Variants in KIRREL3 observed in about 807,000 individuals in gnomAD.
KIRREL3 encodes kin of IRRE-like protein 3.
A neutral mutation model predicts 89.7 loss-of-function variants in KIRREL3; 36 were observed. The observed-to-expected ratio is 0.40, with a 90% CI of 0.31 to 0.53. KIRREL3 has a LOEUF of 0.53. Among genes scored for constraint, KIRREL3 ranks in the 20% least tolerant of loss-of-function variants. The probability of loss-of-function intolerance (pLI) is 0.49; values close to 1 mark genes in which losing one functional copy is unlikely to be tolerated. For synonymous variants in KIRREL3, 445 were observed against 441.4 expected (o/e 1.01, Z -0.10); for missense variants, 864 against 1,056.6 (o/e 0.82, Z 2.53).
At chr11:126,667,392 G>A (rs537070746) in intron 1 of KIRREL3, among the ~76,000 whole-genome samples, 11 of 152,346 alleles carry the variant, frequency 7.2e-5, no homozygotes, top group South Asian at 2.1e-4. Context: ...AGAATGAGCC[G>A]GGCTGTTTGC....
In KIRREL3 at chr11:126,516,870, A is replaced by G. The variant is rs935480342; in HGVS notation, c.433+4445T>C. Among the ~76,000 whole-genome samples, 1 of 152,194 alleles carries G rather than the reference A, an allele frequency of 6.6e-6. No homozygotes were observed. Among genetic ancestry groups the G allele is most frequent in the East Asian group, 1.9e-4 (1 of 5,194 alleles). ...CACTTTGGGAGGCCAAGATGGGTGG[A>G]TCACTTGAGGTCAAGTGTTCGAGAC... is the stretch of plus-strand genomic sequence containing the variant. On this transcript the variant is annotated intron_variant, in intron 4 of 16. Transcript: ENST00000525144. The surrounding 1 kb of genome is among the most constrained non-coding windows in gnomAD (Gnocchi z 4.9).
At chr11:126,638,987 AT>A (rs139062236) in intron 1 of KIRREL3, among the ~76,000 whole-genome samples, 18 of 151,656 alleles carry the variant, frequency 1.2e-4, no homozygotes, top group East Asian at 1.9e-4. Flanking sequence ...CACTTTAATG[AT>A]TTTTTTTTAA....
At position 126,814,409 on chromosome 11, in the gene KIRREL3, A is replaced by G. The variant is rs569264162; in HGVS notation, c.55+186046T>C. Among the ~76,000 whole-genome samples, 1 of 152,332 alleles carries G rather than the reference A, an allele frequency of 6.6e-6. No homozygotes were observed. Among genetic ancestry groups the G allele is most frequent in the South Asian group, 2.1e-4 (1 of 4,824 alleles). ...AAACACCATTTGACCCAGCAATCCC[A>G]TTACTGGATATATACCCAAAGGAAT... On this transcript the variant is annotated intron_variant, in intron 1 of 16. Transcript: ENST00000525144. This position sits in a 1 kb window ranked among gnomAD's most constrained non-coding sequence, Gnocchi z 4.4.
intron 1 of KIRREL3, among the ~76,000 whole-genome samples, chr11:126,866,858 C>G (rs947308942): frequency 6.6e-6 from 1 of 152,156 alleles, no homozygotes; most frequent in African/African-American, 2.4e-5. Context: ...ATTCCATTCC[C>G]CTTGTGGCCT....
chr11:126,545,749 A>T (rs1183384495), intron 2 of KIRREL3, among the ~76,000 whole-genome samples: 2 of 152,264 alleles, frequency 1.3e-5, no homozygotes, highest in African/African-American at 2.4e-5. Flanking sequence ...GGGCCCAGAC[A>T]GAAGGTGGCA....
chr11:126,777,212 A>T (rs1177914921), intron 1 of KIRREL3, among the ~76,000 whole-genome samples: 1 of 152,176 alleles, frequency 6.6e-6, no homozygotes. Flanking sequence ...CAGCAAGGAA[A>T]GGCCAGGGAG....
chr11:126,558,212 T>C lies in KIRREL3; in HGVS notation c.133+4623A>G, dbSNP rs572248644. On this transcript the variant is annotated intron_variant, in intron 2 of 16. Coordinates refer to ENST00000525144, the MANE Select transcript of KIRREL3 (RefSeq NM_032531.4). This position sits in a 1 kb window ranked among gnomAD's most constrained non-coding sequence, Gnocchi z 4.0. ...GCCTCTGCTTCTTCCCTCCTTTAAA[T>C]ATCCTCTTCCTCATTTCCCCTTCTC... 2.4e-4 allele frequency among the ~76,000 whole-genome samples: 37 copies of C among 152,260 alleles called. No individual in the cohort carries two copies. Among genetic ancestry groups the C allele is most frequent in the African/African-American group, 8.7e-4 (36 of 41,558 alleles).
At chr11:126,479,433 T>C (rs1236229963) in intron 4 of KIRREL3, among the ~76,000 whole-genome samples, 1 of 152,170 alleles carries the variant, frequency 6.6e-6, no homozygotes, top group African/African-American at 2.4e-5. Flanking sequence ...CCCTTGCCAC[T>C]CCAGGCCAGT....
At position 126,486,814 on chromosome 11, in the gene KIRREL3, A is replaced by C. The variant is rs1957373687; in HGVS notation, c.434-13348T>G. 1.3e-5 allele frequency among the ~76,000 whole-genome samples: 2 copies of C among 152,204 alleles called. No individual in the cohort carries two copies. The highest frequency in any genetic ancestry group is 4.8e-5 in the African/African-American group (2 of 41,440). On this transcript the variant is annotated intron_variant, in intron 4 of 16. Transcript: ENST00000525144. This position sits in a 1 kb window ranked among gnomAD's most constrained non-coding sequence, Gnocchi z 6.2. ...AGGCTGTGCTAGCAGGAGGATCTGC[A>C]TTGGTTCACTTCGGTAGCTTTAATA...
rs547266015 is a variant in KIRREL3 at position 126,566,942 on chromosome 11, C to T, written c.56-4030G>A. Among the ~76,000 whole-genome samples the T allele has an allele frequency of 6.9e-4, 105 of 152,208 alleles. No individual in the cohort carries two copies. The highest frequency in any genetic ancestry group is 9.7e-4 in the Non-Finnish European group (66 of 68,048). On this transcript the variant is annotated intron_variant, in intron 1 of 16. Coordinates refer to ENST00000525144, the MANE Select transcript of KIRREL3 (RefSeq NM_032531.4). The surrounding 1 kb of genome is among the most constrained non-coding windows in gnomAD (Gnocchi z 4.9). Reference sequence around the variant, plus strand: ...AAAGTGACAATTTAAGGCCAACACACTAGCTGGTGATAGTGCCCATGCTGG... The same window carrying T: ...AAAGTGACAATTTAAGGCCAACACATTAGCTGGTGATAGTGCCCATGCTGG...
At chr11:126,646,521 C>T (rs893071402) in intron 1 of KIRREL3, among the ~76,000 whole-genome samples, 2 of 140,400 alleles carry the variant, frequency 1.4e-5, no homozygotes, top group African/African-American at 5.3e-5. Context: ...GTTGCTCAGG[C>T]TGGAGTGCAG....
chr11:126,831,592 T>C (rs1297184841), intron 1 of KIRREL3, among the ~76,000 whole-genome samples: 2 of 152,148 alleles, frequency 1.3e-5, no homozygotes, highest in Admixed American at 6.5e-5. Context: ...TTAGAAGCAA[T>C]ACATGGAAAC....
rs375280817 is a variant in KIRREL3, at chr11:126,805,585, C to G, written c.55+194870G>C. ...TCCATTAATTAATGAATAAATTAAA[C>G]AAGGCTTTTCCACTCTATCATCTTG... is the stretch of plus-strand genomic sequence containing the variant. On this transcript the variant is annotated intron_variant, in intron 1 of 16. Coordinates refer to ENST00000525144, the MANE Select transcript of KIRREL3 (RefSeq NM_032531.4). This position sits in a 1 kb window ranked among gnomAD's most constrained non-coding sequence, Gnocchi z 4.3. Among the ~76,000 whole-genome samples, 12 of 152,194 alleles carry G rather than the reference C, an allele frequency of 7.9e-5. No homozygotes were observed. Among genetic ancestry groups the G allele is most frequent in the African/African-American group, 2.9e-4 (12 of 41,438 alleles).
rs1232238834 is a variant in KIRREL3, at chr11:126,955,242, G to C, written c.55+45213C>G. ...GTGAAAAGCAAGTTGCTTTAACCCT[G>C]AAAGAAAGTATTTCTCTAGCAAACA... On this transcript the variant is annotated intron_variant, in intron 1 of 16. Transcript: ENST00000525144. The surrounding 1 kb of genome is among the most constrained non-coding windows in gnomAD (Gnocchi z 4.6). 6.6e-6 allele frequency among the ~76,000 whole-genome samples: 1 copy of C among 152,194 alleles called. No individual in the cohort carries two copies. The highest frequency in any genetic ancestry group is 2.4e-5 in the African/African-American group (1 of 41,452).
rs1024787207 is a variant in KIRREL3 at position 126,778,075 on chromosome 11, A to G, written c.56-215163T>C. On this transcript the variant is annotated intron_variant, in intron 1 of 16. Coordinates refer to ENST00000525144, the MANE Select transcript of KIRREL3 (RefSeq NM_032531.4). The surrounding 1 kb of genome is among the most constrained non-coding windows in gnomAD (Gnocchi z 4.5). Reference sequence around the variant, plus strand: ...AAAAAAAAAAAGAAAAACTATAGACAATCCAAAAGAGCAAAATGAAAATTA... The same window carrying G: ...AAAAAAAAAAAGAAAAACTATAGACGATCCAAAAGAGCAAAATGAAAATTA... Among the ~76,000 whole-genome samples, 3 of 151,982 alleles carry G rather than the reference A, an allele frequency of 2.0e-5. No homozygotes were observed. Among genetic ancestry groups the G allele is most frequent in the Non-Finnish European group, 4.4e-5 (3 of 67,996 alleles).
rs1345519935 is a variant in KIRREL3 at position 126,837,710 on chromosome 11, A to G, written c.55+162745T>C. On this transcript the variant is annotated intron_variant, in intron 1 of 16. Coordinates refer to ENST00000525144, the MANE Select transcript of KIRREL3 (RefSeq NM_032531.4). The surrounding 1 kb of genome is among the most constrained non-coding windows in gnomAD (Gnocchi z 4.7). Reference sequence around the variant, plus strand: ...TACAAAAGATGTCAGTGGTCTGGCAACGGTACCTCAGTGACAAACTATTGT... The same window carrying G: ...TACAAAAGATGTCAGTGGTCTGGCAGCGGTACCTCAGTGACAAACTATTGT... Among the ~76,000 whole-genome samples the G allele has an allele frequency of 6.6e-6, 1 of 152,234 alleles. No homozygotes were observed. The highest frequency in any genetic ancestry group is 1.5e-5 in the Non-Finnish European group (1 of 68,038).
chr11:126,485,546 G>T lies in KIRREL3; in HGVS notation c.434-12080C>A, dbSNP rs983153504. Reference sequence around the variant, plus strand: ...TTATAGTAGCTGTTGTACAGGGCTGGTGTGCTGTTTAAATGAGTTCATGTA... The same window carrying T: ...TTATAGTAGCTGTTGTACAGGGCTGTTGTGCTGTTTAAATGAGTTCATGTA... On this transcript the variant is annotated intron_variant, in intron 4 of 16. Coordinates refer to ENST00000525144, the MANE Select transcript of KIRREL3 (RefSeq NM_032531.4). This position sits in a 1 kb window ranked among gnomAD's most constrained non-coding sequence, Gnocchi z 5.8. 2.0e-5 allele frequency among the ~76,000 whole-genome samples: 3 copies of T among 152,218 alleles called. No individual in the cohort carries two copies. The highest frequency in any genetic ancestry group is 7.2e-5 in the African/African-American group (3 of 41,452).
At chr11:127,001,217 C>T (rs1950305975), upstream of KIRREL3, 1 of 142,382 alleles carries the variant, frequency 7.0e-6, no homozygotes, top group African/African-American at 2.6e-5. Flanking sequence ...CTCGGAAGGA[C>T]TTGGCCAATG....
rs1256412676 is a variant in KIRREL3 at position 126,606,590 on chromosome 11, C to T, written c.56-43678G>A. ...AGACCACATCCCAGATGACCTTACA[C>T]ACCCCAGGGGTTGATACCAGGCCGA... On this transcript the variant is annotated intron_variant, in intron 1 of 16. Coordinates refer to ENST00000525144, the MANE Select transcript of KIRREL3 (RefSeq NM_032531.4). The surrounding 1 kb of genome is among the most constrained non-coding windows in gnomAD (Gnocchi z 4.6). Among the ~76,000 whole-genome samples, 1 of 152,158 alleles carries T rather than the reference C, an allele frequency of 6.6e-6. No homozygotes were observed. The highest frequency in any genetic ancestry group is 1.5e-5 in the Non-Finnish European group (1 of 68,030).
Sources: allele counts gnomAD v4.1 joint callset (sites outside exome capture counted in the v4.1 genomes callset), GRCh38; gene constraint gnomAD v4.1.1; non-coding constraint Gnocchi (gnomAD v3.1); transcripts MANE v1.5; gene names NCBI Gene and HGNC (gene_info 2026-07-23, HGNC 2026-07-21).